The following RABEP2 variants were observed in gnomAD, a reference collection of about 807,000 sequenced individuals.
RABEP2 encodes the protein rabaptin, RAB GTPase binding effector protein 2, also known as rab GTPase-binding effector protein 2.
RABEP2 carries 57 observed loss-of-function variants against 74.1 expected under a neutral mutation model. That is an observed-to-expected ratio of 0.77 (90% CI 0.62 to 0.96). RABEP2 has a LOEUF of 0.96. RABEP2 is among the 40% of genes least tolerant of loss of function. RABEP2 has a pLI of 0.00. For synonymous variants in RABEP2, 351 were observed against 344.0 expected (o/e 1.02, Z -0.23); for missense variants, 692 against 756.3 (o/e 0.91, Z 1.00).
chr16:28,920,019 T>C, intron 2 of RABEP2, 76 bp from the exon 3 acceptor site: 2 of 1,426,192 alleles, frequency 1.4e-6, no homozygotes, highest in Non-Finnish European at 1.9e-6. Flanking sequence ...CAGGGGACTC[T>C]TGATGCACTG....
At chr16:28,910,812 G>T in intron 7 of RABEP2, 76 bp downstream of exon 7, 2 of 1,290,508 alleles carry the variant, frequency 1.5e-6, no homozygotes, top group Non-Finnish European at 2.2e-6. Context: ...GACTTCCCAC[G>T]TGCCCCCTTC....
Position 28,925,216 on chromosome 16 carries a change from CTTCCGGGTCCTCTCGGCTGT to C in RABEP2, c.-73_-54del. ...CACTCCCTGGTGACGGAGCGCACCG[CTTCCGGGTCCTCTCGGCTGT>C]TTCCGGATCCGCTCGGCTGTTTCCG... On this transcript the variant is annotated 5_prime_UTR_variant, in exon 1 of 13. Coordinates refer to ENST00000358201, the MANE Select transcript of RABEP2 (RefSeq NM_024816.3). 6.7e-7 allele frequency: 1 copy of C among 1,500,368 alleles called. No homozygotes were observed. The highest frequency in any genetic ancestry group is 2.5e-5 in the East Asian group (1 of 39,364). 92.9% of individuals were successfully genotyped at this position (1,500,368 alleles called of 1,614,324 possible).
intron 5 of RABEP2, among the ~76,000 whole-genome samples, chr16:28,913,497 T>C (rs1393492661): frequency 2.0e-5 from 3 of 152,184 alleles, no homozygotes; most frequent in Admixed American, 1.3e-4. Context: ...TATTATTATT[T>C]TGAGACAGAG....
chr16:28,914,007 C>G (rs73533846), intron 5 of RABEP2, among the ~76,000 whole-genome samples: 3,892 of 151,154 alleles, frequency 0.026, 176 homozygotes, highest in African/African-American at 0.089. Flanking sequence ...CCTTGAACTC[C>G]TAGCCACAAT....
intron 1 of RABEP2, chr16:28,924,851 C>T (rs1964512959): frequency 1.4e-6 from 1 of 731,786 alleles, no homozygotes; most frequent in Non-Finnish European, 2.4e-6. Flanking sequence ...TTCGGTCCCA[C>T]CTGGCCCCGC....
In RABEP2 at chr16:28,925,105, G is replaced by A. The variant is rs759521311; in HGVS notation, c.59C>T (p.Ala20Val). 19 of 1,537,804 alleles carry A rather than the reference G, an allele frequency of 1.2e-5. No homozygotes were observed. Among genetic ancestry groups the A allele is most frequent in the Middle Eastern group, 1.7e-4 (1 of 5,952 alleles). Residue 20 changes from alanine to valine, a missense_variant and splice_region_variant, in exon 1 of 13, where the codon GCT (alanine) becomes GTT (valine). Transcript: ENST00000358201. ...TGCACGGACGCCCCCTCACGTACCA[G>A]CCCCCGGCCGCCGCCGCCGCTCATC... ...DDDERRRRPG[A>V]ALEDSRSQEG... is the part of the protein sequence containing the mutation.
chr16:28,919,827 G>A lies in RABEP2; in HGVS notation c.391C>T (p.Arg131Trp), dbSNP rs775588131. The A allele has an allele frequency of 2.5e-5, 40 of 1,611,776 alleles. No homozygotes were observed. Among genetic ancestry groups the A allele is most frequent in the Admixed American group, 1.0e-4 (6 of 59,946 alleles). The change falls in exon 3 of 13, where the codon CGG becomes TGG. Residue 131 changes from arginine (R) to tryptophan (W), a missense_variant. Transcript: ENST00000358201. ...ELGRLKQLLS[R>W]AYPLDSLEKQ... ...TCCAGGGAGTCCAGGGGGTAGGCCC[G>A]GGACAGCAGCTGCTTCAGGCGGCCC...
Position 28,904,872 on chromosome 16 carries a change from A to G in RABEP2, c.*71T>C. On this transcript the variant is annotated 3_prime_UTR_variant, in exon 13 of 13. Transcript: ENST00000358201. ...GTGGAAAAGCCATCCAAGACCCCAG[A>G]GCGAGGCCTCATGGTTCAGGAGTGG... The G allele has an allele frequency of 1.7e-6, 2 of 1,176,412 alleles. No individual in the cohort carries two copies. The highest frequency in any genetic ancestry group is 2.7e-5 in the South Asian group (2 of 74,506). 72.9% of individuals were successfully genotyped at this position (1,176,412 alleles called of 1,614,324 possible).
In RABEP2 at chr16:28,911,181, T is replaced by C. The variant is rs757744980; in HGVS notation, c.895-2A>G. ...CAGGTCCTTCTGCAGCTGTCGGCCCTGCCACAGACCCTGCCTTCAGCCTGC... is the reference window on the plus strand; with the variant it reads ...CAGGTCCTTCTGCAGCTGTCGGCCCCGCCACAGACCCTGCCTTCAGCCTGC... On this transcript the variant is annotated splice_acceptor_variant, in intron 5 of 12. Coordinates refer to ENST00000358201, the MANE Select transcript of RABEP2 (RefSeq NM_024816.3). LOFTEE classifies it high-confidence loss of function. 4 of 1,608,542 alleles carry C rather than the reference T, an allele frequency of 2.5e-6. No homozygotes were observed. Among genetic ancestry groups the C allele is most frequent in the Non-Finnish European group, 3.4e-6 (4 of 1,179,800 alleles).
intron 7 of RABEP2, among the ~76,000 whole-genome samples, chr16:28,908,997 GTCTATATA>G (rs1490571854): frequency 1.7e-5 from 1 of 57,770 alleles, no homozygotes; most frequent in Non-Finnish European, 2.8e-5. Context: ...ATTTTACTTG[GTCTATATA>G]TATATATATA....
rs1378955385 is a variant in RABEP2 at position 28,904,429 on chromosome 16, G to C, written c.*514C>G. On this transcript the variant is annotated 3_prime_UTR_variant, in exon 13 of 13. Transcript: ENST00000358201. ...GGGACAAGGCGACCGACTGCGCTGA[G>C]CTGCTTATTTATTGAAAATAAACGA... 4.6e-6 allele frequency: 7 copies of C among 1,532,028 alleles called. No individual in the cohort carries two copies. In the Middle Eastern group the frequency reaches 6.7e-4, roughly 147 times the overall value. The allele number at this position is 1,532,028 out of a possible 1,614,324, so 94.9% of individuals were successfully genotyped here.
At chr16:28,912,083 A>G (rs1176525942) in intron 5 of RABEP2, among the ~76,000 whole-genome samples, 1 of 151,912 alleles carries the variant, frequency 6.6e-6, no homozygotes, top group Non-Finnish European at 1.5e-5. Flanking sequence ...CGTCTCTACT[A>G]TAAACACAAA....
intron 5 of RABEP2, among the ~76,000 whole-genome samples, chr16:28,911,578 C>A (rs1055570751): frequency 4.7e-5 from 7 of 149,724 alleles, no homozygotes; most frequent in African/African-American, 1.7e-4. Flanking sequence ...GCAGGAGATT[C>A]ACTTAAACCC....
chr16:28,908,250 T>C (rs925974825), intron 8 of RABEP2, among the ~76,000 whole-genome samples: 1 of 64,990 alleles, frequency 1.5e-5, no homozygotes, highest in African/African-American at 1.9e-4. Context: ...TAATAAGCCA[T>C]ATTATTAAGA....
intron 3 of RABEP2, among the ~76,000 whole-genome samples, chr16:28,915,404 A>G (rs1169135157): frequency 2.6e-5 from 4 of 151,740 alleles, no homozygotes; most frequent in Non-Finnish European, 5.9e-5. Flanking sequence ...TTAGTTGGGC[A>G]TGTGGCCTAA....
chr16:28,925,212 A>G lies in RABEP2; in HGVS notation c.-49T>C. On this transcript the variant is annotated 5_prime_UTR_variant, in exon 1 of 13. Transcript: ENST00000358201. ...CCCGCACTCCCTGGTGACGGAGCGC[A>G]CCGCTTCCGGGTCCTCTCGGCTGTT... 2 of 1,506,796 alleles carry G rather than the reference A, an allele frequency of 1.3e-6. No homozygotes were observed. The highest frequency in any genetic ancestry group is 1.8e-6 in the Non-Finnish European group (2 of 1,133,818). 93.3% of individuals were successfully genotyped at this position (1,506,796 alleles called of 1,614,324 possible). A position where few individuals can be genotyped will look rare whatever the true frequency, so the allele number is the denominator to read the frequency against.
intron 9 of RABEP2, 62 bp from the exon 10 acceptor site, chr16:28,905,940 C>G (rs1000025229): frequency 6.2e-7 from 1 of 1,612,728 alleles, no homozygotes; most frequent in African/African-American, 1.3e-5. Context: ...CTGCTGCCCA[C>G]GCCTGGGCCC....
Position 28,904,904 on chromosome 16 carries a change from G to T in RABEP2, c.*39C>A, listed in dbSNP as rs1208121551. ...CCTCATGGTTCAGGAGTGGGGAAAG[G>T]CGTCTTTCCCAGGGTGGGGGTGGGG... On this transcript the variant is annotated 3_prime_UTR_variant, in exon 13 of 13. Coordinates refer to ENST00000358201, the MANE Select transcript of RABEP2 (RefSeq NM_024816.3). The T allele has an allele frequency of 4.8e-6, 7 of 1,454,182 alleles. No homozygotes were observed. Among genetic ancestry groups the T allele is most frequent in the South Asian group, 3.5e-5 (3 of 86,306 alleles). 90.1% of individuals were successfully genotyped at this position (1,454,182 alleles called of 1,614,324 possible).
chr16:28,915,299 T>A (rs1373171323), intron 3 of RABEP2, among the ~76,000 whole-genome samples: 1 of 149,884 alleles, frequency 6.7e-6, no homozygotes, highest in Non-Finnish European at 1.5e-5. Context: ...CCTCAAGTGA[T>A]CCTCCCACCT....
Sources: gnomAD v4.1 joint callset for allele counts (sites outside exome capture counted in the v4.1 genomes callset) on GRCh38, gnomAD v4.1.1 for gene constraint, MANE v1.5 for transcripts, NCBI Gene and HGNC (gene_info 2026-07-23, HGNC 2026-07-21) for gene names.